BCAS3: variants seen among roughly 807,000 people sequenced by gnomAD.
BCAS3 encodes the protein BCAS3 microtubule associated cell migration factor.
BCAS3 carries 53 observed loss-of-function variants against 116.1 expected under a neutral mutation model. The observed-to-expected ratio is 0.46, with a 90% CI of 0.37 to 0.57. The LOEUF (loss-of-function observed/expected upper bound fraction) is 0.57. Ranked by LOEUF, BCAS3 falls within the 20% of genes least tolerant of loss-of-function variation. The probability of loss-of-function intolerance (pLI) is 0.00; values close to 1 mark genes in which losing one functional copy is unlikely to be tolerated. For synonymous variants in BCAS3, 391 were observed against 408.2 expected, an observed-to-expected ratio of 0.96 and a Z score of 0.51; for missense variants, 917 against 1,165.4, an observed-to-expected ratio of 0.79 and a Z score of 3.10.
At chr17:61,150,828 CATTACTA>C (rs2144000081) in intron 22 of BCAS3, among the ~76,000 whole-genome samples, 1 of 152,318 alleles carries the variant, frequency 6.6e-6, no homozygotes, top group South Asian at 2.1e-4. Flanking sequence ...TTGACCTTAG[CATTACTA>C]ATAAGGTACT....
At chr17:61,267,128 G>C (rs2049795848) in intron 22 of BCAS3, among the ~76,000 whole-genome samples, 1 of 152,146 alleles carries the variant, frequency 6.6e-6, no homozygotes. Flanking sequence ...TGCGGTCTCG[G>C]CTCACCGCAA....
At position 61,095,627 on chromosome 17, in the gene BCAS3, C is replaced by T. The variant is rs545160573; in HGVS notation, c.2425+11063C>T. Among the ~76,000 whole-genome samples, 434 of 151,992 alleles carry T rather than the reference C, an allele frequency of 2.9e-3. No individual in the cohort carries two copies. The highest frequency in any genetic ancestry group is 0.017 in the Middle Eastern group (5 of 292). ...GACTCCAGGCATGCACCACCATGCC[C>T]GGCTAATTTTTGTATTTTTAGTAGA... On this transcript the variant is annotated intron_variant, in intron 22 of 23. Coordinates refer to ENST00000407086, the MANE Select transcript of BCAS3 (RefSeq NM_017679.5). This position sits in a 1 kb window ranked among gnomAD's most constrained non-coding sequence, Gnocchi z 4.7.
At chr17:61,173,030 T>C (rs953806809) in intron 22 of BCAS3, among the ~76,000 whole-genome samples, 135 of 151,958 alleles carry the variant, frequency 8.9e-4, no homozygotes, top group Non-Finnish European at 1.0e-3. Context: ...ATACAAAGTG[T>C]CTTCTGACCA....
chr17:60,727,237 C>A (rs1445067691), intron 5 of BCAS3: 6 of 961,818 alleles, frequency 6.2e-6, no homozygotes, highest in Non-Finnish European at 1.0e-5. Flanking sequence ...TCTGAATGAC[C>A]ACCATCCTCT....
chr17:61,240,887 G>T (rs1269573056), intron 22 of BCAS3, among the ~76,000 whole-genome samples: 2 of 152,114 alleles, frequency 1.3e-5, no homozygotes, highest in African/African-American at 2.4e-5. Context: ...TTTTTAAAAG[G>T]TACCAAGGGC....
intron 10 of BCAS3, among the ~76,000 whole-genome samples, chr17:60,890,408 C>T (rs1050529031): frequency 2.6e-5 from 4 of 151,744 alleles, no homozygotes; most frequent in Non-Finnish European, 2.9e-5. Flanking sequence ...GAGCTGAGAT[C>T]GCACCACTGC....
At chr17:60,868,353 CT>C (rs1490339532) in intron 7 of BCAS3, among the ~76,000 whole-genome samples, 1 of 152,026 alleles carries the variant, frequency 6.6e-6, no homozygotes, top group Admixed American at 6.6e-5. Flanking sequence ...CTGTGTAGTA[CT>C]AATTTGGTGA....
chr17:60,777,921 C>T (rs1332333177), intron 6 of BCAS3, among the ~76,000 whole-genome samples: 2 of 152,104 alleles, frequency 1.3e-5, no homozygotes, highest in Non-Finnish European at 2.9e-5. Flanking sequence ...AGATTTTTAT[C>T]TCATAGTTTT....
intron 22 of BCAS3, among the ~76,000 whole-genome samples, chr17:61,246,447 G>A (rs1411222581): frequency 1.4e-5 from 2 of 146,254 alleles, no homozygotes; most frequent in African/African-American, 2.6e-5. Context: ...ACACCAGCCT[G>A]GGTAACAGAG....
At chr17:60,806,944 T>C (rs1247846189) in intron 6 of BCAS3, among the ~76,000 whole-genome samples, 3 of 152,214 alleles carry the variant, frequency 2.0e-5, no homozygotes, top group Admixed American at 2.0e-4. Flanking sequence ...ACTATTATTA[T>C]GTGGACTTAG....
chr17:61,364,559 T>G lies in BCAS3; in HGVS notation c.2426-3768T>G, dbSNP rs577106424. ...GGTGAAACCCCATCTTGACAAAAAATTAGCTGGGCATGGTGGTGCACACCT... is the reference window on the plus strand; with the variant it reads ...GGTGAAACCCCATCTTGACAAAAAAGTAGCTGGGCATGGTGGTGCACACCT... On this transcript the variant is annotated intron_variant, in intron 22 of 23. Transcript: ENST00000407086. The surrounding 1 kb of genome is among the most constrained non-coding windows in gnomAD (Gnocchi z 5.4). Among the ~76,000 whole-genome samples the G allele has an allele frequency of 9.9e-5, 15 of 152,184 alleles. No homozygotes were observed. The South Asian group carries it at 2.9e-3, about 29-fold the overall frequency.
Position 61,350,551 on chromosome 17 carries a change from A to G in BCAS3, c.2426-17776A>G, listed in dbSNP as rs186247228. On this transcript the variant is annotated intron_variant, in intron 22 of 23. Coordinates refer to ENST00000407086, the MANE Select transcript of BCAS3 (RefSeq NM_017679.5). ...CCATGCTCCTGCAGCATTATTCACA[A>G]AGCCAAGATATGGAAACAATCTGTC... Among the ~76,000 whole-genome samples the G allele has an allele frequency of 1.3e-3, 200 of 152,322 alleles. 1 individual carries two copies. The highest frequency in any genetic ancestry group is 4.0e-3 in the African/African-American group (165 of 41,584).
chr17:61,232,713 CTTGA>C (rs1426844435), intron 22 of BCAS3, among the ~76,000 whole-genome samples: 1 of 152,154 alleles, frequency 6.6e-6, no homozygotes, highest in Non-Finnish European at 1.5e-5. Flanking sequence ...CTATTGTAGT[CTTGA>C]TTGATCTCTC....
rs186442063 is a variant in BCAS3 at position 61,203,636 on chromosome 17, A to T, written c.2425+119072A>T. Among the ~76,000 whole-genome samples the T allele has an allele frequency of 2.8e-3, 423 of 152,336 alleles. 2 individuals carry two copies. The highest frequency in any genetic ancestry group is 9.8e-3 in the African/African-American group (409 of 41,586). ...TGATCAAAAAACACTTGATATTTTTAAATTCGTGGAAACTTTGAGCTACAT... is the reference window on the plus strand; with the variant it reads ...TGATCAAAAAACACTTGATATTTTTTAATTCGTGGAAACTTTGAGCTACAT... On this transcript the variant is annotated intron_variant, in intron 22 of 23. Transcript: ENST00000407086. This position sits in a 1 kb window ranked among gnomAD's most constrained non-coding sequence, Gnocchi z 5.7.
intron 22 of BCAS3, among the ~76,000 whole-genome samples, chr17:61,242,498 A>AT (rs1428692604): frequency 6.6e-6 from 1 of 152,086 alleles, no homozygotes; most frequent in African/African-American, 2.4e-5. Context: ...TCCTCCCTTC[A>AT]TATGAGATCC....
At chr17:61,076,763 A>G (rs2072034224) in intron 20 of BCAS3, among the ~76,000 whole-genome samples, 2 of 152,222 alleles carry the variant, frequency 1.3e-5, no homozygotes, top group Non-Finnish European at 2.9e-5. Context: ...TTGAGCTTAA[A>G]GTACACAGAA....
chr17:61,182,679 A>G (rs1172228474), intron 22 of BCAS3, among the ~76,000 whole-genome samples: 1 of 152,068 alleles, frequency 6.6e-6, no homozygotes, highest in East Asian at 1.9e-4. Context: ...ACACTCCCCA[A>G]CCCTACGCAG....
At position 60,700,929 on chromosome 17, in the gene BCAS3, A is replaced by G. The variant is rs112813702; in HGVS notation, c.215-8290A>G. 2.3e-3 allele frequency among the ~76,000 whole-genome samples: 356 copies of G among 152,228 alleles called. 1 individual carries two copies. The highest frequency in any genetic ancestry group is 8.0e-3 in the African/African-American group (333 of 41,548). ...AATAATGACAGTTGTGAATAACCCAATTAAGGAATTTAGCTTCTAGAAGGA... is the reference window on the plus strand; with the variant it reads ...AATAATGACAGTTGTGAATAACCCAGTTAAGGAATTTAGCTTCTAGAAGGA... On this transcript the variant is annotated intron_variant, in intron 4 of 23. Coordinates refer to ENST00000407086, the MANE Select transcript of BCAS3 (RefSeq NM_017679.5).
At chr17:61,143,901 A>T (rs527567828) in intron 22 of BCAS3, among the ~76,000 whole-genome samples, 1 of 152,316 alleles carries the variant, frequency 6.6e-6, no homozygotes, top group East Asian at 1.9e-4. Flanking sequence ...AGTGTGTCCT[A>T]CCATTGCTTT....
Sources: gnomAD v4.1 joint callset for allele counts (sites outside exome capture counted in the v4.1 genomes callset) on GRCh38, gnomAD v4.1.1 for gene constraint, Gnocchi (gnomAD v3.1) non-coding constraint, MANE v1.5 for transcripts, NCBI Gene and HGNC (gene_info 2026-07-23, HGNC 2026-07-21) for gene names.